Variants in PTK2B observed in about 807,000 individuals in gnomAD.
PTK2B encodes the protein protein-tyrosine kinase 2-beta.
In PTK2B, 71 loss-of-function variants were observed where a neutral mutation model predicts 142.9. The observed-to-expected ratio is 0.50, with a 90% CI of 0.41 to 0.61. The LOEUF (loss-of-function observed/expected upper bound fraction) is 0.61, where lower values mean the gene tolerates loss of function less well. Among genes scored for constraint, PTK2B ranks in the 20% least tolerant of loss-of-function variants. The probability of loss-of-function intolerance (pLI) is 0.00; values close to 1 mark genes in which losing one functional copy is unlikely to be tolerated. For synonymous variants in PTK2B, 519 were observed against 503.4 expected (o/e 1.03, Z -0.42); for missense variants, 1,105 against 1,320.4 (o/e 0.84, Z 2.53).
Position 27,325,669 on chromosome 8 carries a change from C to G in PTK2B, c.-50C>G, listed in dbSNP as rs1330437852. Reference sequence around the variant, plus strand: ...TGCCCGAGGAGTAGTCGCTGGAGTCCGCGCCTCCCTGGGTGAGTCCCTCCC... The same window carrying G: ...TGCCCGAGGAGTAGTCGCTGGAGTCGGCGCCTCCCTGGGTGAGTCCCTCCC... On this transcript the variant is annotated 5_prime_UTR_variant, in exon 1 of 31. Transcript: ENST00000346049. The G allele has an allele frequency of 2.0e-5, 3 of 152,474 alleles. 1 individual carries two copies. The East Asian group carries it at 5.8e-4, about 29-fold the overall frequency. The allele number at this position is 152,474 out of a possible 1,614,324, so 9.4% of individuals were successfully genotyped here.
intron 1 of PTK2B, among the ~76,000 whole-genome samples, chr8:27,387,742 T>C (rs1807460818): frequency 6.6e-6 from 1 of 152,206 alleles, no homozygotes; most frequent in Non-Finnish European, 1.5e-5. Flanking sequence ...ACAGTGAATT[T>C]ACAGTTAGCC....
intron 1 of PTK2B, among the ~76,000 whole-genome samples, chr8:27,386,182 C>T (rs906284003): frequency 1.8e-4 from 28 of 152,070 alleles, no homozygotes; most frequent in African/African-American, 6.5e-4. Flanking sequence ...CATAGTTTTT[C>T]ATTATTGCTA....
chr8:27,425,244 A>G (rs1690629782), intron 5 of PTK2B, among the ~76,000 whole-genome samples: 1 of 151,662 alleles, frequency 6.6e-6, no homozygotes, highest in South Asian at 2.1e-4. Context: ...AGTATACTAT[A>G]GTATACTATT....
intron 1 of PTK2B, among the ~76,000 whole-genome samples, chr8:27,331,327 G>A (rs916772897): frequency 5.3e-5 from 8 of 152,154 alleles, no homozygotes; most frequent in African/African-American, 9.7e-5. Context: ...GTGATTGATG[G>A]GGAGGGGTGT....
intron 27 of PTK2B, chr8:27,452,412 G>A (rs1811871182): frequency 6.6e-6 from 1 of 152,202 alleles, no homozygotes; most frequent in Non-Finnish European, 1.5e-5. Flanking sequence ...CTCTACAAAA[G>A]ATTAAGAAAA....
intron 18 of PTK2B, 185 bp downstream of exon 18, chr8:27,438,065 C>T (rs1335145341): frequency 1.7e-5 from 10 of 597,438 alleles, no homozygotes; most frequent in Non-Finnish European, 3.0e-5. Flanking sequence ...AAGTTGCAGG[C>T]ACTGTATGTA....
intron 2 of PTK2B, among the ~76,000 whole-genome samples, chr8:27,403,974 A>G (rs188210826): frequency 2.2e-5 from 3 of 136,326 alleles, no homozygotes; most frequent in South Asian, 2.3e-4. Flanking sequence ...CTCTCTGTCT[A>G]TCTCTCCTTC....
At chr8:27,431,352 G>A (rs1810407884) in intron 8 of PTK2B, 46 bp from the exon 9 acceptor site, 2 of 1,613,824 alleles carry the variant, frequency 1.2e-6, no homozygotes, top group East Asian at 2.2e-5. Context: ...TCTGAAGAAT[G>A]GGGAGGACAG....
At chr8:27,318,114 G>T (rs1803132043) in intron 3 of PTK2B, among the ~76,000 whole-genome samples, 1 of 152,146 alleles carries the variant, frequency 6.6e-6, no homozygotes, top group South Asian at 2.1e-4. Context: ...AATGAAGTAT[G>T]CAGGGTTATT....
chr8:27,361,628 T>G (rs1485772261), intron 1 of PTK2B, among the ~76,000 whole-genome samples: 1 of 152,100 alleles, frequency 6.6e-6, no homozygotes, highest in Non-Finnish European at 1.5e-5. Context: ...GATAGGGGGC[T>G]TATGGGCTCC....
intron 2 of PTK2B, among the ~76,000 whole-genome samples, chr8:27,401,992 T>C (rs945660999): frequency 4.6e-5 from 7 of 152,086 alleles, no homozygotes; most frequent in African/African-American, 1.4e-4. Flanking sequence ...ATATGCATCA[T>C]CATATTGACT....
rs751081088 is a variant in PTK2B, at chr8:27,430,970, C to G, written c.764C>G (p.Ala255Gly). ...ECVMKFFNTL[A>G]GFANIDQETY... ...GTCATGAAGTTCTTCAACACTCTCG[C>G]CGGCTTCGCCAACATCGACCAGGAG... Residue 255 changes from alanine to glycine, a missense_variant, in exon 8 of 31, where the codon GCC becomes GGC. Coordinates refer to ENST00000346049, the MANE Select transcript of PTK2B (RefSeq NM_173176.3). The G allele has an allele frequency of 6.2e-7, 1 of 1,614,196 alleles. No individual in the cohort carries two copies. Among genetic ancestry groups the G allele is most frequent in the African/African-American group, 1.3e-5 (1 of 75,056 alleles).
At position 27,332,081 on chromosome 8, in the gene PTK2B, C is replaced by G. The variant is rs80012105; in HGVS notation, c.-38+6400C>G. Among the ~76,000 whole-genome samples the G allele has an allele frequency of 6.1e-3, 926 of 152,322 alleles. 8 individuals are homozygous for G. Among genetic ancestry groups the G allele is most frequent in the East Asian group, 0.035 (180 of 5,178 alleles). On this transcript the variant is annotated intron_variant, in intron 1 of 30. Transcript: ENST00000346049. ...GGTGCTGGCAGACAGCGGTGCCAAC[C>G]AAGACAGCTGCAAGTGGCTCACTGC...
chr8:27,374,617 G>T (rs945677208), intron 1 of PTK2B, among the ~76,000 whole-genome samples: 1 of 152,182 alleles, frequency 6.6e-6, no homozygotes, highest in East Asian at 1.9e-4. Flanking sequence ...CCTACTCTGG[G>T]GTGATTAGGA....
At chr8:27,344,632 C>T (rs1440198651) in intron 1 of PTK2B, among the ~76,000 whole-genome samples, 2 of 152,072 alleles carry the variant, frequency 1.3e-5, no homozygotes, top group Non-Finnish European at 1.5e-5. Flanking sequence ...AGGATCCCAC[C>T]CCTCGTCCGC....
intron 1 of PTK2B, among the ~76,000 whole-genome samples, chr8:27,377,020 G>C (rs911074637): frequency 1.3e-5 from 2 of 152,094 alleles, no homozygotes; most frequent in Non-Finnish European, 2.9e-5. Flanking sequence ...TCACTCCTGC[G>C]TTTAGAACCA....
At chr8:27,393,527 G>A (rs997395854) in intron 1 of PTK2B, among the ~76,000 whole-genome samples, 1 of 152,070 alleles carries the variant, frequency 6.6e-6, no homozygotes, top group Admixed American at 6.6e-5. Flanking sequence ...GGCTGCATTG[G>A]GTCTGATGTA....
intron 1 of PTK2B, among the ~76,000 whole-genome samples, chr8:27,346,118 C>T (rs1325318263): frequency 6.6e-6 from 1 of 152,230 alleles, no homozygotes; most frequent in Non-Finnish European, 1.5e-5. Context: ...TCTGGTTGCT[C>T]AGGACTATGG....
At chr8:27,394,415 G>A (rs962610381) in intron 1 of PTK2B, among the ~76,000 whole-genome samples, 1 of 152,242 alleles carries the variant, frequency 6.6e-6, no homozygotes, top group African/African-American at 2.4e-5. Context: ...GTAGGTATTT[G>A]TGTATCTAAA....
Sources: gnomAD v4.1 joint callset for allele counts (sites outside exome capture counted in the v4.1 genomes callset) on GRCh38, gnomAD v4.1.1 for gene constraint, MANE v1.5 for transcripts, NCBI Gene and HGNC (gene_info 2026-07-23, HGNC 2026-07-21) for gene names.